CFAP299: variants seen among roughly 807,000 people sequenced by gnomAD.
The protein encoded by CFAP299 is cilia- and flagella-associated protein 299.
Under a neutral mutation model 27.0 loss-of-function variants are expected in CFAP299, and 21 were observed. That is an observed-to-expected ratio of 0.78 (90% CI 0.55 to 1.12). The LOEUF (loss-of-function observed/expected upper bound fraction) is 1.12. Among genes scored for constraint, CFAP299 ranks in the 50% most tolerant of loss-of-function variants. CFAP299 has a pLI of 0.00. For missense variants in CFAP299, 310 were observed against 276.6 expected (o/e 1.12, Z -0.86); for synonymous variants, 104 against 98.1 (o/e 1.06, Z -0.36).
chr4:80,902,964 A>T (rs941871877), intron 4 of CFAP299, among the ~76,000 whole-genome samples: 108 of 152,206 alleles, frequency 7.1e-4, no homozygotes, highest in African/African-American at 2.5e-3. Context: ...GACTATTGAC[A>T]TATTTTAGTA....
intron 3 of CFAP299, among the ~76,000 whole-genome samples, chr4:80,641,306 G>A (rs1327849204): frequency 6.6e-6 from 1 of 152,124 alleles, no homozygotes; most frequent in Non-Finnish European, 1.5e-5. Flanking sequence ...CCGGGTTCAA[G>A]TGATTCTCCT....
At chr4:80,654,968 G>A (rs1028915617) in intron 3 of CFAP299, among the ~76,000 whole-genome samples, 1 of 151,922 alleles carries the variant, frequency 6.6e-6, no homozygotes, top group Non-Finnish European at 1.5e-5. Context: ...ATCTGTTGAA[G>A]TAACAAACAT....
At chr4:80,902,586 T>TATATACACAC (rs370673737) in intron 4 of CFAP299, among the ~76,000 whole-genome samples, 1,394 of 126,642 alleles carry the variant, frequency 0.011, 17 homozygotes, top group African/African-American at 0.028. Context: ...ATGTAATATA[T>TATATACACAC]ACACACACAC....
intron 3 of CFAP299, among the ~76,000 whole-genome samples, chr4:80,660,992 T>G (rs1560683333): frequency 6.6e-6 from 1 of 152,014 alleles, no homozygotes; most frequent in South Asian, 2.1e-4. Flanking sequence ...TTAAATGATA[T>G]GTTATCCTAG....
chr4:80,486,451 C>A (rs1317590347), intron 2 of CFAP299, among the ~76,000 whole-genome samples: 1 of 152,206 alleles, frequency 6.6e-6, no homozygotes, highest in African/African-American at 2.4e-5. Flanking sequence ...GGAAAAAGTT[C>A]TAGCCCTAAT....
chr4:80,763,380 A>G (rs1382581465), intron 3 of CFAP299, among the ~76,000 whole-genome samples: 1 of 152,222 alleles, frequency 6.6e-6, no homozygotes, highest in African/African-American at 2.4e-5. Context: ...TAAAATACCT[A>G]GAAACACAAC....
At chr4:80,356,496 CCTGT>C (rs1320665363) in intron 1 of CFAP299, among the ~76,000 whole-genome samples, 1 of 152,070 alleles carries the variant, frequency 6.6e-6, no homozygotes, top group African/African-American at 2.4e-5. Flanking sequence ...CTGCTTGTGT[CCTGT>C]CTAATTTCCT....
chr4:80,373,268 T>C (rs1724237639), intron 2 of CFAP299, among the ~76,000 whole-genome samples: 2 of 152,004 alleles, frequency 1.3e-5, no homozygotes, highest in South Asian at 4.1e-4. Context: ...TTTGGATCTC[T>C]AGATACCAGT....
chr4:80,577,601 G>A (rs1303940163), intron 2 of CFAP299, among the ~76,000 whole-genome samples: 1 of 151,650 alleles, frequency 6.6e-6, no homozygotes, highest in East Asian at 1.9e-4. Context: ...CAGGGTTTCA[G>A]CATGTTGGCC....
chr4:80,863,456 AC>A (rs1257667281), intron 3 of CFAP299, among the ~76,000 whole-genome samples: 1 of 152,110 alleles, frequency 6.6e-6, no homozygotes, highest in African/African-American at 2.4e-5. Context: ...GGTAATGAGG[AC>A]CTAACTAAGT....
intron 4 of CFAP299, among the ~76,000 whole-genome samples, chr4:80,886,303 C>T (rs968234122): frequency 3.9e-5 from 6 of 152,212 alleles, no homozygotes; most frequent in Admixed American, 6.5e-5. Context: ...TGAAGGGCTT[C>T]GGGCAAAGCC....
At chr4:80,601,344 T>A (rs953608892) in intron 3 of CFAP299, among the ~76,000 whole-genome samples, 3 of 152,174 alleles carry the variant, frequency 2.0e-5, no homozygotes, top group Admixed American at 6.6e-5. Context: ...ATTTTTCATG[T>A]GATAAATTTT....
chr4:80,601,154 T>C (rs1226503429), intron 3 of CFAP299, among the ~76,000 whole-genome samples: 1 of 152,158 alleles, frequency 6.6e-6, no homozygotes, highest in Non-Finnish European at 1.5e-5. Flanking sequence ...GATAATGAAA[T>C]TGAGACTCAA....
rs191122409 is a variant in CFAP299, at chr4:80,943,481, A to G, written c.477-1329A>G. On this transcript the variant is annotated intron_variant, in intron 4 of 5. Coordinates refer to ENST00000358105, the MANE Select transcript of CFAP299 (RefSeq NM_152770.3). ...TAATAGAGGGCAAAACGACCTAGAA[A>G]CAGGATCAGAAGAATATCATTAAAA... Among the ~76,000 whole-genome samples the G allele has an allele frequency of 7.6e-4, 115 of 152,312 alleles. 2 individuals carry two copies. The East Asian group carries it at 0.02, about 27-fold the overall frequency.
chr4:80,573,116 CA>C, intron 2 of CFAP299, among the ~76,000 whole-genome samples: 1 of 152,250 alleles, frequency 6.6e-6, no homozygotes, highest in South Asian at 2.1e-4. Flanking sequence ...CTTTTCTCCA[CA>C]TGGTCACCAG....
At chr4:80,402,184 T>A (rs1726196513) in intron 2 of CFAP299, among the ~76,000 whole-genome samples, 1 of 152,166 alleles carries the variant, frequency 6.6e-6, no homozygotes, top group Admixed American at 6.5e-5. Flanking sequence ...TTTGGATTAA[T>A]GCTGAACTGA....
At chr4:80,495,648 T>C (rs1277924369) in intron 2 of CFAP299, among the ~76,000 whole-genome samples, 3 of 152,186 alleles carry the variant, frequency 2.0e-5, no homozygotes, top group Non-Finnish European at 4.4e-5. Flanking sequence ...AAATTTGTTT[T>C]AAAAAATTAG....
At chr4:80,746,936 T>C (rs1253604317) in intron 3 of CFAP299, among the ~76,000 whole-genome samples, 1 of 151,990 alleles carries the variant, frequency 6.6e-6, no homozygotes, top group African/African-American at 2.4e-5. Flanking sequence ...ACCAGCTAGA[T>C]AAGATTGGGA....
At chr4:80,828,030 TGAAA>T (rs550194861) in intron 3 of CFAP299, among the ~76,000 whole-genome samples, 30 of 152,028 alleles carry the variant, frequency 2.0e-4, no homozygotes, top group Non-Finnish European at 4.3e-4. Context: ...AAAGCATTTC[TGAAA>T]GAAATTAAAG....
Sources: gnomAD v4.1 joint callset for allele counts (sites outside exome capture counted in the v4.1 genomes callset) on GRCh38, gnomAD v4.1.1 for gene constraint, MANE v1.5 for transcripts, NCBI Gene and HGNC (gene_info 2026-07-23, HGNC 2026-07-21) for gene names.